The following NKD1 variants were observed in gnomAD, a reference collection of about 807,000 sequenced individuals.
NKD1 encodes the protein NKD inhibitor of Wnt signaling pathway 1.
A neutral mutation model predicts 56.0 loss-of-function variants in NKD1; 21 were observed. The ratio of observed to expected loss-of-function variants is 0.38; its 90% CI spans 0.27 to 0.54. The LOEUF is 0.54. Ranked by LOEUF, NKD1 falls within the 20% of genes least tolerant of loss-of-function variation. The pLI is 0.82. For synonymous variants in NKD1, 263 were observed against 265.7 expected (o/e 0.99, Z 0.10); for missense variants, 578 against 642.7 (o/e 0.90, Z 1.09).
In NKD1 at chr16:50,633,529, C is replaced by T. The variant is rs972389326; in HGVS notation, c.1161C>T (p.Ser387=). ...CCCCCTCCGCCCACCTGGCTGCCAG[C>T]CCGGCCCTCCTCCCCTCCCTAGCCC... ...AVSPSAHLAA[S]PALLPSLAPL... The change falls in exon 10 of 10, where the codon AGC becomes AGT. Residue 387 remains serine, a synonymous_variant. Transcript: ENST00000268459. The surrounding 1 kb of genome is among the most constrained non-coding windows in gnomAD (Gnocchi z 4.9). 8.1e-6 allele frequency: 13 copies of T among 1,610,606 alleles called. 2 individuals carry two copies. In the Middle Eastern group the frequency reaches 1.3e-3, roughly 163 times the overall value.
chr16:50,568,482 G>C (rs1201956667), intron 3 of NKD1, among the ~76,000 whole-genome samples: 1 of 152,188 alleles, frequency 6.6e-6, no homozygotes, highest in East Asian at 1.9e-4. Context: ...GGGCTTTCAG[G>C]AGAATTAAGT....
At chr16:50,548,612 C>CCCGCCGCCGTCG (rs1343334694) in intron 1 of NKD1, 34 bp downstream of exon 1, 32 of 1,447,784 alleles carry the variant, frequency 2.2e-5, no homozygotes, top group Non-Finnish European at 2.7e-5. Flanking sequence ...CGCCCCGGGC[C>CCCGCCGCCGTCG]CCGCCGCCGT....
intron 3 of NKD1, chr16:50,573,773 A>G: frequency 1.0e-6 from 1 of 976,916 alleles, no homozygotes; most frequent in East Asian, 1.1e-4. Context: ...ACCTGGGTTC[A>G]GCTCCTGGTG....
rs549960885 is a variant in NKD1, at chr16:50,598,815, G to A, written c.193-9479G>A. On this transcript the variant is annotated intron_variant, in intron 3 of 9. Coordinates refer to ENST00000268459, the MANE Select transcript of NKD1 (RefSeq NM_033119.5). The surrounding 1 kb of genome is among the most constrained non-coding windows in gnomAD (Gnocchi z 4.2). ...AGTGGTGTGGCAGGATCAGTGGTGC[G>A]ATGTGCAGTGGCATGGTAGAGTCAG... 1.3e-4 allele frequency among the ~76,000 whole-genome samples: 20 copies of A among 152,042 alleles called. No individual in the cohort carries two copies. In the East Asian group the frequency reaches 3.9e-3, roughly 29 times the overall value.
intron 3 of NKD1, among the ~76,000 whole-genome samples, chr16:50,564,011 T>A (rs958659535): frequency 1.3e-5 from 2 of 152,220 alleles, no homozygotes; most frequent in Non-Finnish European, 2.9e-5. Context: ...CCATCCTCAG[T>A]GGGCAGGGAG....
In NKD1 at chr16:50,625,521, C is replaced by T. The variant is rs866534099; in HGVS notation, c.403C>T (p.Arg135Trp). Reference sequence around the variant, plus strand: ...CGACGTGTCCATGGAGGAGGACAGCCGGCAGGAGTGGACCTTCACCCTGTA... The same window carrying T: ...CGACGTGTCCATGGAGGAGGACAGCTGGCAGGAGTGGACCTTCACCCTGTA... ...QCDVSMEEDS[R>W]QEWTFTLYDF... Residue 135 changes from arginine to tryptophan, a missense_variant, in exon 6 of 10, where the codon CGG becomes TGG. By Grantham distance (101) the Arg-to-Trp change is moderately radical (BLOSUM62 -3). Coordinates refer to ENST00000268459, the MANE Select transcript of NKD1 (RefSeq NM_033119.5). 8.1e-6 allele frequency: 13 copies of T among 1,613,764 alleles called. No homozygotes were observed. Among genetic ancestry groups the T allele is most frequent in the African/African-American group, 2.7e-5 (2 of 74,948 alleles).
rs1487106430 is a variant in NKD1, at chr16:50,636,674, T to C, written c.*2893T>C. 1 of 152,248 alleles carries C rather than the reference T, an allele frequency of 6.6e-6. No individual in the cohort carries two copies. Among genetic ancestry groups the C allele is most frequent in the East Asian group, 1.9e-4 (1 of 5,204 alleles). 9.4% of individuals were successfully genotyped at this position (152,248 alleles called of 1,614,324 possible). ...GGATCATGAGAGTGCCTGTCCCTTG[T>C]GAGCACTATGAAAGTGTTAGCTGTT... On this transcript the variant is annotated 3_prime_UTR_variant, in exon 10 of 10. Transcript: ENST00000268459.
At position 50,634,953 on chromosome 16, in the gene NKD1, C is replaced by T. The variant is rs975675148; in HGVS notation, c.*1172C>T. 5.9e-5 allele frequency: 9 copies of T among 152,188 alleles called. No individual in the cohort carries two copies. The highest frequency in any genetic ancestry group is 2.2e-4 in the African/African-American group (9 of 41,440). 9.4% of individuals were successfully genotyped at this position (152,188 alleles called of 1,614,324 possible). A position where few individuals can be genotyped will look rare whatever the true frequency, so the allele number is the denominator to read the frequency against. On this transcript the variant is annotated 3_prime_UTR_variant, in exon 10 of 10. Transcript: ENST00000268459. Reference sequence around the variant, plus strand: ...AGTTGGGACCCTGGAGCAGCATCCTCTGCAGAGAAGGATTTTGTCTGGCCA... The same window carrying T: ...AGTTGGGACCCTGGAGCAGCATCCTTTGCAGAGAAGGATTTTGTCTGGCCA...
chr16:50,615,759 G>A (rs1049247867), intron 4 of NKD1, among the ~76,000 whole-genome samples: 12 of 152,216 alleles, frequency 7.9e-5, no homozygotes, highest in Non-Finnish European at 1.5e-4. Flanking sequence ...GATGCCAACA[G>A]TAGCACACCC....
intron 3 of NKD1, among the ~76,000 whole-genome samples, chr16:50,601,928 C>A (rs1413005176): frequency 1.3e-5 from 2 of 152,242 alleles, no homozygotes; most frequent in African/African-American, 4.8e-5. Context: ...AGGATGCCCC[C>A]AGCCTCTCCC....
chr16:50,585,748 T>C (rs892350462), intron 3 of NKD1, among the ~76,000 whole-genome samples: 1 of 152,172 alleles, frequency 6.6e-6, no homozygotes, highest in African/African-American at 2.4e-5. Flanking sequence ...CTTGTTTCCA[T>C]TGGGAGTTTG....
chr16:50,565,171 C>T (rs185513321), intron 3 of NKD1, among the ~76,000 whole-genome samples: 14 of 151,370 alleles, frequency 9.2e-5, no homozygotes, highest in African/African-American at 3.4e-4. Context: ...GTCAGGAGAT[C>T]GAGACTATCC....
Position 50,585,867 on chromosome 16 carries a change from A to T in NKD1, c.193-22427A>T, listed in dbSNP as rs1047545393. ...CTGATCACTGTGTGTTTGTCATTTCATCGAGTCTGTGCCCTGTTTAACGGA... is the reference window on the plus strand; with the variant it reads ...CTGATCACTGTGTGTTTGTCATTTCTTCGAGTCTGTGCCCTGTTTAACGGA... On this transcript the variant is annotated intron_variant, in intron 3 of 9. Coordinates refer to ENST00000268459, the MANE Select transcript of NKD1 (RefSeq NM_033119.5). Among the ~76,000 whole-genome samples, 13 of 152,170 alleles carry T rather than the reference A, an allele frequency of 8.5e-5. No individual in the cohort carries two copies. The South Asian group carries it at 1.4e-3, about 17-fold the overall frequency.
rs987530885 is a variant in NKD1 at position 50,614,364 on chromosome 16, G to A, written c.259+6004G>A. Among the ~76,000 whole-genome samples, 7 of 151,584 alleles carry A rather than the reference G, an allele frequency of 4.6e-5. No individual in the cohort carries two copies. In the East Asian group the frequency reaches 5.8e-4, roughly 13 times the overall value. ...AAAACCATGTCATGGACACATGCACGCACACACACACACTCACACACACAC... is the reference window on the plus strand; with the variant it reads ...AAAACCATGTCATGGACACATGCACACACACACACACACTCACACACACAC... On this transcript the variant is annotated intron_variant, in intron 4 of 9. Transcript: ENST00000268459.
At chr16:50,609,527 G>T (rs1961795165) in intron 4 of NKD1, among the ~76,000 whole-genome samples, 1 of 152,168 alleles carries the variant, frequency 6.6e-6, no homozygotes, top group Admixed American at 6.5e-5. Flanking sequence ...GGTCTGAAGG[G>T]CCACAAGAGG....
intron 3 of NKD1, among the ~76,000 whole-genome samples, chr16:50,603,050 AAGAGG>A (rs1162146489): frequency 6.6e-6 from 1 of 152,292 alleles, no homozygotes; most frequent in East Asian, 1.9e-4. Context: ...CTGTGTTGGG[AAGAGG>A]AGAGAAACTG....
chr16:50,604,451 A>T (rs898354492), intron 3 of NKD1, among the ~76,000 whole-genome samples: 1 of 152,180 alleles, frequency 6.6e-6, no homozygotes, highest in East Asian at 1.9e-4. Flanking sequence ...CCATACAATA[A>T]CAATAGCAGG....
chr16:50,602,934 GGATTC>G (rs1961628821), intron 3 of NKD1, among the ~76,000 whole-genome samples: 1 of 152,214 alleles, frequency 6.6e-6, no homozygotes, highest in Non-Finnish European at 1.5e-5. Flanking sequence ...AAACATCACT[GGATTC>G]GAATGTGCCT....
At chr16:50,612,031 G>A (rs1033701578) in intron 4 of NKD1, among the ~76,000 whole-genome samples, 1 of 152,154 alleles carries the variant, frequency 6.6e-6, no homozygotes, top group African/African-American at 2.4e-5. Flanking sequence ...CTTTAATCCT[G>A]TTAGAATCTC....
Sources: allele counts gnomAD v4.1 joint callset (sites outside exome capture counted in the v4.1 genomes callset), GRCh38; gene constraint gnomAD v4.1.1; non-coding constraint Gnocchi (gnomAD v3.1); transcripts MANE v1.5; gene names NCBI Gene and HGNC (gene_info 2026-07-23, HGNC 2026-07-21).